Variants in PNPLA1 observed in about 807,000 individuals in gnomAD.
PNPLA1 encodes patatin like domain 1, omega-hydroxyceramide transacylase, also known as omega-hydroxyceramide transacylase.
PNPLA1 carries 36 observed loss-of-function variants against 51.7 expected under a neutral mutation model. That is an observed-to-expected ratio of 0.70 (90% CI 0.53 to 0.92). The LOEUF is 0.92. Among genes scored for constraint, PNPLA1 ranks in the 40% least tolerant of loss-of-function variants. The pLI is 0.00. For synonymous variants in PNPLA1, 293 were observed against 280.1 expected (o/e 1.05, Z -0.46); for missense variants, 658 against 682.5 (o/e 0.96, Z 0.40).
chr6:36,253,787 C>T (rs567899802), intron 1 of PNPLA1, among the ~76,000 whole-genome samples: 4 of 152,298 alleles, frequency 2.6e-5, no homozygotes, highest in South Asian at 2.1e-4. Flanking sequence ...CCAGAGTTCT[C>T]GATAAATAGC....
chr6:36,299,333 C>T (rs56052531), intron 5 of PNPLA1, among the ~76,000 whole-genome samples: 3 of 142,336 alleles, frequency 2.1e-5, no homozygotes, highest in East Asian at 2.1e-4. Context: ...GTTTTTTTGT[C>T]TGTTTTTTTT....
At chr6:36,258,172 TG>T (rs1157840763) in intron 1 of PNPLA1, among the ~76,000 whole-genome samples, 2 of 152,166 alleles carry the variant, frequency 1.3e-5, no homozygotes, top group African/African-American at 4.8e-5. Context: ...CCATGCAGCT[TG>T]GAGTCTGTCC....
intron 1 of PNPLA1, among the ~76,000 whole-genome samples, chr6:36,264,866 C>CCAT (rs1347056493): frequency 6.6e-6 from 1 of 152,184 alleles, no homozygotes. Context: ...TCAACTGTGC[C>CCAT]CATCTCAGCT....
chr6:36,292,192 C>T (rs1208493593), intron 2 of PNPLA1, among the ~76,000 whole-genome samples: 2 of 152,240 alleles, frequency 1.3e-5, no homozygotes, highest in Middle Eastern at 6.8e-3. Flanking sequence ...TTCCTTCCCC[C>T]ACATACAGGG....
intron 1 of PNPLA1, among the ~76,000 whole-genome samples, chr6:36,289,045 TAAAAATAAAATATTTAGCTTAAGAAGACA>T (rs1481504058): frequency 1.3e-5 from 2 of 152,248 alleles, no homozygotes; most frequent in Non-Finnish European, 2.9e-5. Context: ...TAAGTATGAA[TAAAAATAAAATATTTAGCTTAAGAAGACA>T]GACCAAATGT....
intron 1 of PNPLA1, among the ~76,000 whole-genome samples, chr6:36,274,386 C>T (rs951424696): frequency 1.3e-5 from 2 of 152,112 alleles, no homozygotes; most frequent in African/African-American, 4.8e-5. Context: ...TCCACACAGA[C>T]CTGACGTGGG....
intron 5 of PNPLA1, among the ~76,000 whole-genome samples, chr6:36,300,436 C>T (rs574086588): frequency 3.3e-5 from 5 of 152,142 alleles, no homozygotes; most frequent in South Asian, 4.1e-4. Context: ...CCTCATAATC[C>T]GCCCGCCTCG....
chr6:36,268,449 G>T (rs1053961663), upstream of PNPLA1, among the ~76,000 whole-genome samples: 3 of 152,044 alleles, frequency 2.0e-5, no homozygotes, highest in Admixed American at 2.0e-4. Flanking sequence ...GACTCAGAAG[G>T]GTTCTCATCC....
intron 1 of PNPLA1, among the ~76,000 whole-genome samples, chr6:36,283,696 G>C (rs1036048194): frequency 3.3e-5 from 5 of 152,234 alleles, no homozygotes; most frequent in Non-Finnish European, 5.9e-5. Context: ...TCAGAGTCTA[G>C]TATGCATCCA....
chr6:36,302,359 C>T lies in PNPLA1; in HGVS notation c.1274C>T (p.Pro425Leu), dbSNP rs1771086772. 1.2e-6 allele frequency: 2 copies of T among 1,610,986 alleles called. No homozygotes were observed. Among genetic ancestry groups the T allele is most frequent in the Non-Finnish European group, 1.7e-6 (2 of 1,177,948 alleles). ...LHSQAPTSPR[P>L]SLGPSTVGAP... ...TCTCAGGCACCCACTTCACCCAGGCCATCCCTGGGGCCTTCAACTGTGGGG... is the reference window on the plus strand; with the variant it reads ...TCTCAGGCACCCACTTCACCCAGGCTATCCCTGGGGCCTTCAACTGTGGGG... The change falls in exon 6 of 9, where the codon CCA becomes CTA. Residue 425 changes from proline (P) to leucine (L), a missense_variant. Coordinates refer to ENST00000636260, the MANE Select transcript of PNPLA1 (RefSeq NM_001374623.1).
upstream of PNPLA1, among the ~76,000 whole-genome samples, chr6:36,266,819 T>C (rs999886644): frequency 6.6e-6 from 1 of 152,258 alleles, no homozygotes; most frequent in Non-Finnish European, 1.5e-5. Context: ...GACATCGTTT[T>C]GGCAAGAATA....
intron 1 of PNPLA1, among the ~76,000 whole-genome samples, chr6:36,285,807 C>A (rs1407754551): frequency 1.3e-5 from 2 of 152,128 alleles, no homozygotes; most frequent in Non-Finnish European, 2.9e-5. Flanking sequence ...CCCTTTTCTT[C>A]CCCCTTTGAT....
chr6:36,311,677 G>T (rs1771411308), intron 8 of PNPLA1, 86 bp from the exon 9 acceptor site: 1 of 152,680 alleles, frequency 6.5e-6, no homozygotes, highest in Non-Finnish European at 1.5e-5. Flanking sequence ...ACAGGAGGTG[G>T]AGGCAAGTCT....
intron 5 of PNPLA1, among the ~76,000 whole-genome samples, chr6:36,301,093 C>T (rs1221002540): frequency 6.6e-6 from 1 of 151,532 alleles, no homozygotes; most frequent in East Asian, 2.0e-4. Context: ...GTTATGTGGC[C>T]TAGATAAACG....
rs1371174772 is a variant in PNPLA1 at position 36,312,388 on chromosome 6, G to A, written c.*502G>A. Among the ~76,000 whole-genome samples the A allele has an allele frequency of 6.6e-6, 1 of 152,198 alleles. No homozygotes were observed. The highest frequency in any genetic ancestry group is 2.4e-5 in the African/African-American group (1 of 41,438). ...AAGCAGCAAAAGACCCCTGTGTAAT[G>A]AAATGAACCCCCTAACTGGCTTTTG... On this transcript the variant is annotated 3_prime_UTR_variant, in exon 9 of 9. Coordinates refer to ENST00000636260, the MANE Select transcript of PNPLA1 (RefSeq NM_001374623.1).
intron 6 of PNPLA1, among the ~76,000 whole-genome samples, chr6:36,305,809 A>G (rs1771215059): frequency 4.5e-5 from 6 of 132,980 alleles, no homozygotes; most frequent in Non-Finnish European, 1.5e-5. Context: ...AGGAGGAGAC[A>G]GTATCTCACT....
At chr6:36,295,482 C>A in intron 5 of PNPLA1, 58 bp downstream of exon 5, 1 of 1,547,520 alleles carries the variant, frequency 6.5e-7, no homozygotes, top group Non-Finnish European at 8.9e-7. Context: ...AAAGTTCAAA[C>A]AGTAGAAGGG....
chr6:36,307,543 A>C, intron 7 of PNPLA1, 44 bp from the exon 8 acceptor site: 1 of 1,600,794 alleles, frequency 6.2e-7, no homozygotes, highest in Non-Finnish European at 8.5e-7. Context: ...TGGAGGACCG[A>C]GGTCAGGCCC....
chr6:36,292,936 G>C (rs1257748386), intron 2 of PNPLA1, 125 bp from the exon 3 acceptor site: 6 of 739,668 alleles, frequency 8.1e-6, no homozygotes, highest in Non-Finnish European at 2.1e-6. Context: ...GCTTCCCAGT[G>C]TGGCACCTTC....
Sources: gnomAD v4.1 joint callset for allele counts (sites outside exome capture counted in the v4.1 genomes callset) on GRCh38, gnomAD v4.1.1 for gene constraint, MANE v1.5 for transcripts, NCBI Gene and HGNC (gene_info 2026-07-23, HGNC 2026-07-21) for gene names.